FSTL4: variants seen among roughly 807,000 people sequenced by gnomAD.
The protein encoded by FSTL4 is follistatin-related protein 4.
In FSTL4, 28 loss-of-function variants were observed where a neutral mutation model predicts 78.2. The observed-to-expected ratio is 0.36, with a 90% CI of 0.27 to 0.49. The LOEUF is 0.49. FSTL4 is among the 20% of genes least tolerant of loss of function. The pLI is 0.98. For synonymous variants in FSTL4, 422 were observed against 440.5 expected, an observed-to-expected ratio of 0.96 and a Z score of 0.53; for missense variants, 922 against 1,084.9, an observed-to-expected ratio of 0.85 and a Z score of 2.11.
At chr5:133,717,891 C>A in the FSTL4 span, among the ~76,000 whole-genome samples, 5 of 152,130 alleles carry the variant, frequency 3.3e-5, no homozygotes, top group Admixed American at 6.5e-5. Context: ...TTCATGCATA[C>A]CTTTTAGGGT....
rs1204774105 is a variant in FSTL4, at chr5:133,463,381, C to G, written c.161-62395G>C. ...CAAGTTCCCCACCCCCTACACCAAA[C>G]TAAGCCCTCTTGGTAATTTTCCATC... On this transcript the variant is annotated intron_variant, in intron 3 of 15. Coordinates refer to ENST00000265342, the MANE Select transcript of FSTL4 (RefSeq NM_015082.2). Among the ~76,000 whole-genome samples the G allele has an allele frequency of 2.6e-5, 4 of 152,200 alleles. No homozygotes were observed. In the East Asian group the frequency reaches 7.7e-4, roughly 29 times the overall value.
At chr5:133,806,163 T>TA in the FSTL4 span, among the ~76,000 whole-genome samples, 1 of 152,306 alleles carries the variant, frequency 6.6e-6, no homozygotes, top group African/African-American at 2.4e-5. Context: ...GCTGCGAGGG[T>TA]AGAGGCTTTT....
At chr5:133,323,686 C>T (rs1198318020) in intron 4 of FSTL4, among the ~76,000 whole-genome samples, 1 of 152,206 alleles carries the variant, frequency 6.6e-6, no homozygotes, top group African/African-American at 2.4e-5. Flanking sequence ...CCTGGCCAGC[C>T]CCTGGCCCTG....
intron 13 of FSTL4, among the ~76,000 whole-genome samples, chr5:133,215,647 C>T (rs1354471569): frequency 2.0e-5 from 3 of 152,166 alleles, no homozygotes; most frequent in Non-Finnish European, 4.4e-5. Context: ...GATTTGATGG[C>T]TTAAAACAAC....
the FSTL4 span, among the ~76,000 whole-genome samples, chr5:133,630,363 A>G: frequency 7.9e-4 from 120 of 151,738 alleles, 1 homozygote; most frequent in Middle Eastern, 3.4e-3. Context: ...ATAGACAGAC[A>G]GCCAAATCAT....
At chr5:133,293,622 A>C (rs1753319334) in intron 6 of FSTL4, among the ~76,000 whole-genome samples, 1 of 152,126 alleles carries the variant, frequency 6.6e-6, no homozygotes, top group South Asian at 2.1e-4. Context: ...GCTGGGCTCC[A>C]AAACAGCTCC....
the FSTL4 span, among the ~76,000 whole-genome samples, chr5:133,790,697 C>T: frequency 2.6e-5 from 4 of 152,208 alleles, no homozygotes; most frequent in Non-Finnish European, 5.9e-5. Context: ...CTGTTCTACC[C>T]ACAGCCTTCC....
At chr5:133,330,552 C>T (rs1419842436) in intron 4 of FSTL4, among the ~76,000 whole-genome samples, 1 of 152,172 alleles carries the variant, frequency 6.6e-6, no homozygotes, top group East Asian at 1.9e-4. Context: ...CCCCCATGAT[C>T]CAATCACCTC....
chr5:133,387,086 A>G (rs1303010766), intron 4 of FSTL4, among the ~76,000 whole-genome samples: 3 of 152,212 alleles, frequency 2.0e-5, no homozygotes, highest in Non-Finnish European at 2.9e-5. Context: ...CAGCCATAAC[A>G]TCAGCAAAGC....
At chr5:133,550,983 A>G (rs1239907716) in intron 3 of FSTL4, among the ~76,000 whole-genome samples, 1 of 152,240 alleles carries the variant, frequency 6.6e-6, no homozygotes, top group Non-Finnish European at 1.5e-5. Flanking sequence ...CAAGCTGGAA[A>G]GACTCATCTT....
chr5:133,443,310 A>G (rs1757198473), intron 3 of FSTL4, among the ~76,000 whole-genome samples: 5 of 152,252 alleles, frequency 3.3e-5, no homozygotes, highest in Admixed American at 1.3e-4. Flanking sequence ...CTTAAAGAAG[A>G]AATTGCAACA....
At chr5:133,543,938 T>C (rs1347645678) in intron 3 of FSTL4, among the ~76,000 whole-genome samples, 2 of 152,152 alleles carry the variant, frequency 1.3e-5, no homozygotes, top group African/African-American at 4.8e-5. Flanking sequence ...GCTTTGTTAG[T>C]GGTTTCCTTA....
the FSTL4 span, among the ~76,000 whole-genome samples, chr5:133,825,194 G>A: frequency 1.3e-5 from 2 of 152,000 alleles, no homozygotes; most frequent in South Asian, 2.1e-4. Context: ...CTACTCCCAC[G>A]CCACCTTGAA....
At chr5:133,235,969 A>C (rs1192091042) in intron 7 of FSTL4, among the ~76,000 whole-genome samples, 1 of 152,146 alleles carries the variant, frequency 6.6e-6, no homozygotes, top group Non-Finnish European at 1.5e-5. Context: ...TGGCATCCTG[A>C]AATGGTACAG....
chr5:133,492,218 CTT>C (rs60503833), intron 3 of FSTL4, among the ~76,000 whole-genome samples: 8,128 of 152,210 alleles, frequency 0.053, 714 homozygotes, highest in African/African-American at 0.19. Context: ...ATCACCATCT[CTT>C]GTTTCATATT....
At chr5:133,322,228 CA>C (rs1260420612) in intron 4 of FSTL4, among the ~76,000 whole-genome samples, 34 of 109,050 alleles carry the variant, frequency 3.1e-4, no homozygotes, top group African/African-American at 1.5e-3. Context: ...CACACACCCA[CA>C]CACACACACA....
chr5:133,510,782 C>A (rs1359421003), intron 3 of FSTL4, among the ~76,000 whole-genome samples: 2 of 152,126 alleles, frequency 1.3e-5, no homozygotes. Flanking sequence ...TCCTCTGCCT[C>A]TACCGGTGAG....
At chr5:133,695,047 G>A in the FSTL4 span, among the ~76,000 whole-genome samples, 2 of 152,086 alleles carry the variant, frequency 1.3e-5, no homozygotes, top group South Asian at 4.2e-4. Flanking sequence ...TCAGATGAGG[G>A]CTAGGATCCT....
intron 14 of FSTL4, among the ~76,000 whole-genome samples, chr5:133,204,986 A>ATGAT (rs1408769236): frequency 6.6e-6 from 1 of 151,054 alleles, no homozygotes; most frequent in African/African-American, 2.4e-5. Flanking sequence ...GTTTATTCAA[A>ATGAT]TGATTTCATA....
Sources: gnomAD v4.1 joint callset for allele counts (sites outside exome capture counted in the v4.1 genomes callset) on GRCh38, gnomAD v4.1.1 for gene constraint, MANE v1.5 for transcripts, NCBI Gene and HGNC (gene_info 2026-07-23, HGNC 2026-07-21) for gene names.